TAF4B: variants seen among roughly 807,000 people sequenced by gnomAD.
TAF4B encodes the protein transcription initiation factor TFIID subunit 4B.
A neutral mutation model predicts 86.4 loss-of-function variants in TAF4B; 38 were observed. The observed-to-expected ratio is 0.44, with a 90% CI of 0.34 to 0.58. The LOEUF (loss-of-function observed/expected upper bound fraction) is 0.58, where lower values mean the gene tolerates loss of function less well. Among genes scored for constraint, TAF4B ranks in the 20% least tolerant of loss-of-function variants. The probability of loss-of-function intolerance (pLI) is 0.02; values close to 1 mark genes in which losing one functional copy is unlikely to be tolerated. For missense variants in TAF4B, 988 were observed against 1,027.6 expected (o/e 0.96, Z 0.53); for synonymous variants, 388 against 391.2 (o/e 0.99, Z 0.10).
chr18:26,357,019 A>G (rs1344480425), intron 13 of TAF4B, among the ~76,000 whole-genome samples: 2 of 152,146 alleles, frequency 1.3e-5, no homozygotes, highest in East Asian at 1.9e-4. Context: ...CATGAATATT[A>G]TAGAGTAAAT....
intron 7 of TAF4B, among the ~76,000 whole-genome samples, chr18:26,290,962 GT>G (rs1436169296): frequency 6.6e-6 from 1 of 152,152 alleles, no homozygotes; most frequent in African/African-American, 2.4e-5. Flanking sequence ...TCATTGAAAT[GT>G]ATCATTTTTA....
In TAF4B at chr18:26,286,441, C is replaced by T. The variant is rs776828065; in HGVS notation, c.1532C>T (p.Pro511Leu). The T allele has an allele frequency of 4.0e-5, 64 of 1,614,082 alleles. No individual in the cohort carries two copies. Among genetic ancestry groups the T allele is most frequent in the Middle Eastern group, 1.7e-4 (1 of 6,056 alleles). Residue 511 changes from proline (P) to leucine (L), a missense_variant, in exon 7 of 15, where the codon CCG (proline) becomes CTG (leucine). Pro to Leu is a moderately conservative substitution (Grantham distance 98). Transcript: ENST00000269142. Reference protein sequence around the residue: ...GTPVQIKLAQPGPVLSQPAGI... With the variant: ...GTPVQIKLAQLGPVLSQPAGI... Reference sequence around the variant, plus strand: ...CCAGTTCAAATCAAACTTGCCCAGCCGGGCCCTGTCCTTTCACAACCAGCT... The same window carrying T: ...CCAGTTCAAATCAAACTTGCCCAGCTGGGCCCTGTCCTTTCACAACCAGCT...
In TAF4B at chr18:26,265,284, A is replaced by G; in HGVS notation, c.458A>G (p.Asn153Ser). 1 of 1,613,746 alleles carries G rather than the reference A, an allele frequency of 6.2e-7. No homozygotes were observed. Among genetic ancestry groups the G allele is most frequent in the Non-Finnish European group, 8.5e-7 (1 of 1,179,938 alleles). ...ACCTCAAGGCCAGCAGTACCAGCGA[A>G]TCCTCAAACAGTCAAAATCTGTACA... ...NITSRPAVPA[N>S]PQTVKICTVP... The change falls in exon 2 of 15, where the codon AAT (asparagine) becomes AGT (serine). Residue 153 changes from asparagine to serine, a missense_variant. By Grantham distance (46) the Asn-to-Ser change is conservative (BLOSUM62 1). Coordinates refer to ENST00000269142, the MANE Select transcript of TAF4B (RefSeq NM_005640.3).
At chr18:26,297,244 C>G (rs1457128168) in intron 9 of TAF4B, among the ~76,000 whole-genome samples, 1 of 151,814 alleles carries the variant, frequency 6.6e-6, no homozygotes, top group African/African-American at 2.4e-5. Flanking sequence ...CTGGTATGTC[C>G]GAAGAACAAA....
chr18:26,287,178 T>C (rs1290815764), intron 7 of TAF4B, among the ~76,000 whole-genome samples: 2 of 152,184 alleles, frequency 1.3e-5, no homozygotes, highest in Admixed American at 1.3e-4. Context: ...TTTATTTTTA[T>C]TTTTTTGTAG....
chr18:26,331,021 T>C (rs747027016), intron 12 of TAF4B, among the ~76,000 whole-genome samples: 8 of 152,028 alleles, frequency 5.3e-5, no homozygotes, highest in Non-Finnish European at 8.8e-5. Flanking sequence ...GGCCTATACC[T>C]TCACATGCCC....
In TAF4B at chr18:26,253,143, A is replaced by T. The variant is rs540703595; in HGVS notation, c.344-12027A>T. On this transcript the variant is annotated intron_variant, in intron 1 of 14. Transcript: ENST00000269142. ...ATCCTTGTCTCATCCTTCATCTTAG[A>T]TATCCTTGTCTTATTCCTGATCCTT... 3.3e-5 allele frequency among the ~76,000 whole-genome samples: 5 copies of T among 152,264 alleles called. No individual in the cohort carries two copies. In the South Asian group the frequency reaches 1.0e-3, roughly 32 times the overall value.
intron 9 of TAF4B, among the ~76,000 whole-genome samples, chr18:26,310,747 T>C (rs1242781739): frequency 6.6e-6 from 1 of 152,182 alleles, no homozygotes; most frequent in Non-Finnish European, 1.5e-5. Context: ...CCCTGACTTC[T>C]TTATCCCCCC....
intron 14 of TAF4B, among the ~76,000 whole-genome samples, chr18:26,385,679 GTTT>G (rs34188640): frequency 9.1e-6 from 1 of 109,782 alleles, no homozygotes; most frequent in African/African-American, 2.8e-5. Context: ...AATAAACAGC[GTTT>G]TTTTTTTTTT....
At chr18:26,257,450 T>A (rs951590738) in intron 1 of TAF4B, among the ~76,000 whole-genome samples, 2 of 152,202 alleles carry the variant, frequency 1.3e-5, no homozygotes, top group African/African-American at 4.8e-5. Context: ...GTATATCTCT[T>A]GTAAGGAGCA....
At chr18:26,253,914 A>G (rs1299057947) in intron 1 of TAF4B, among the ~76,000 whole-genome samples, 1 of 26,872 alleles carries the variant, frequency 3.7e-5, no homozygotes, top group Non-Finnish European at 7.0e-5. Context: ...CACCCCCCCC[A>G]TTTTATTTTG....
In TAF4B at chr18:26,321,152, T is replaced by A; in HGVS notation, c.2085T>A (p.Leu695=). ...SQATQERLRG[L]LEKLTAIAQH... ...CAACACAGGAACGACTACGAGGCCT[T>A]CTAGAAAAACTGACTGCAATTGCTC... is the stretch of plus-strand genomic sequence containing the variant. Residue 695 remains leucine (L), a synonymous_variant, in exon 11 of 15, where the codon CTT becomes CTA. Coordinates refer to ENST00000269142, the MANE Select transcript of TAF4B (RefSeq NM_005640.3). The A allele has an allele frequency of 6.2e-7, 1 of 1,613,856 alleles. No individual in the cohort carries two copies. Among genetic ancestry groups the A allele is most frequent in the Non-Finnish European group, 8.5e-7 (1 of 1,179,830 alleles).
chr18:26,373,306 T>C (rs1185513329), intron 14 of TAF4B, among the ~76,000 whole-genome samples: 1 of 152,214 alleles, frequency 6.6e-6, no homozygotes, highest in African/African-American at 2.4e-5. Context: ...GTGTGGAATC[T>C]ATCTCCCACT....
At chr18:26,278,563 C>A (rs1192179413) in intron 5 of TAF4B, among the ~76,000 whole-genome samples, 2 of 151,894 alleles carry the variant, frequency 1.3e-5, no homozygotes, top group Admixed American at 1.3e-4. Flanking sequence ...GCACCCTTGG[C>A]CCGCCAAAGT....
intron 13 of TAF4B, among the ~76,000 whole-genome samples, chr18:26,341,450 A>T (rs1273353442): frequency 6.6e-6 from 1 of 152,204 alleles, no homozygotes; most frequent in African/African-American, 2.4e-5. Flanking sequence ...TGAAAAAAAA[A>T]TTTTGTAATA....
chr18:26,357,555 G>C lies in TAF4B; in HGVS notation c.2317-135G>C, dbSNP rs184296448. 7.0e-3 allele frequency: 3,774 copies of C among 538,476 alleles called. 19 individuals carry two copies. The highest frequency in any genetic ancestry group is 0.019 in the South Asian group (517 of 26,582). The allele number at this position is 538,476 out of a possible 1,614,324, so 33.4% of individuals were successfully genotyped here. On this transcript the variant is annotated intron_variant, in intron 13 of 14. Transcript: ENST00000269142. ...AGAATCAGAAAATGTGCCCTTGGCT[G>C]TTATGGGAATCTAATGTTTATTTTA...
At chr18:26,285,210 C>CTTTCCTTTTTTTTTTTTTTT (rs2056496143) in intron 6 of TAF4B, among the ~76,000 whole-genome samples, 2 of 42,550 alleles carry the variant, frequency 4.7e-5, no homozygotes, top group South Asian at 2.7e-3. Context: ...TCTTCCTTTC[C>CTTTCCTTTTTTTTTTTTTTT]TTTTTTTTTT....
Position 26,264,411 on chromosome 18 carries a change from C to T in TAF4B, c.344-759C>T, listed in dbSNP as rs570604123. ...AGCCAAGATCGTCTGGGCGACAGAG[C>T]GAGACTCTGTCTCAAAAATAATAAA... On this transcript the variant is annotated intron_variant, in intron 1 of 14. Transcript: ENST00000269142. 8.5e-5 allele frequency among the ~76,000 whole-genome samples: 13 copies of T among 152,232 alleles called. No individual in the cohort carries two copies. In the South Asian group the frequency reaches 2.3e-3, roughly 27 times the overall value.
intron 9 of TAF4B, among the ~76,000 whole-genome samples, chr18:26,312,758 A>AT (rs1402619028): frequency 6.6e-6 from 1 of 152,118 alleles, no homozygotes; most frequent in Non-Finnish European, 1.5e-5. Context: ...TCAGTGTTGT[A>AT]TGTATATGTG....
Sources: allele counts gnomAD v4.1 joint callset (sites outside exome capture counted in the v4.1 genomes callset), GRCh38; gene constraint gnomAD v4.1.1; transcripts MANE v1.5; gene names NCBI Gene and HGNC (gene_info 2026-07-23, HGNC 2026-07-21).